MTREX: variants seen among roughly 807,000 people sequenced by gnomAD.
The protein encoded by MTREX is exosome RNA helicase MTR4.
A neutral mutation model predicts 135.4 loss-of-function variants in MTREX; 76 were observed. The ratio of observed to expected loss-of-function variants is 0.56; its 90% CI spans 0.47 to 0.68. The LOEUF (loss-of-function observed/expected upper bound fraction) is 0.68, where lower values mean the gene tolerates loss of function less well. Ranked by LOEUF, MTREX falls within the 30% of genes least tolerant of loss-of-function variation. MTREX has a pLI of 0.00. For synonymous variants in MTREX, 404 were observed against 401.6 expected (o/e 1.01, Z -0.07); for missense variants, 920 against 1,262.1 (o/e 0.73, Z 4.11).
At chr5:55,396,114 G>T (rs1019475866) in intron 19 of MTREX, among the ~76,000 whole-genome samples, 1 of 151,782 alleles carries the variant, frequency 6.6e-6, no homozygotes, top group Non-Finnish European at 1.5e-5. Context: ...ATAAGGGTAT[G>T]TGGGATTTAT....
chr5:55,323,767 C>G (rs1269999311), intron 2 of MTREX, among the ~76,000 whole-genome samples: 1 of 152,118 alleles, frequency 6.6e-6, no homozygotes, highest in African/African-American at 2.4e-5. Context: ...GGCTAGTTTA[C>G]TTTATACTTT....
rs534648893 is a variant in MTREX at position 55,375,235 on chromosome 5, C to T, written c.1811-3079C>T. Among the ~76,000 whole-genome samples the T allele has an allele frequency of 1.9e-4, 29 of 152,214 alleles. No homozygotes were observed. In the East Asian group the frequency reaches 1.9e-3, roughly 10 times the overall value. Reference sequence around the variant, plus strand: ...CAGGAGACAGGGTTTTGAGATCAACCGGTCTGACCAAAATTTATTAGGCAG... The same window carrying T: ...CAGGAGACAGGGTTTTGAGATCAACTGGTCTGACCAAAATTTATTAGGCAG... On this transcript the variant is annotated intron_variant, in intron 16 of 26. Transcript: ENST00000230640.
chr5:55,383,477 TTGAA>T (rs1339078017), intron 18 of MTREX, among the ~76,000 whole-genome samples: 1 of 152,198 alleles, frequency 6.6e-6, no homozygotes, highest in African/African-American at 2.4e-5. Context: ...GTTTTTTTCT[TTGAA>T]TATGTCAACT....
chr5:55,353,240 C>T lies in MTREX; in HGVS notation c.1504C>T (p.Arg502Cys), dbSNP rs934878407. Reference protein sequence around the residue: ...PARTVLFTNARKFDGKDFRWI... With the variant: ...PARTVLFTNACKFDGKDFRWI... ...TAGAACTGTTTTATTTACAAATGCC[C>T]GCAAATTTGATGGGAAGGATTTCCG... The change falls in exon 14 of 27, where the codon CGC (arginine) becomes TGC (cysteine). Residue 502 changes from arginine (R) to cysteine (C), a missense_variant. This residue lies in a region of MTREX where 46 missense variants were observed against 116.8 expected (regional missense o/e 0.39). Transcript: ENST00000230640. 6.2e-7 allele frequency: 1 copy of T among 1,607,774 alleles called. No individual in the cohort carries two copies. Among genetic ancestry groups the T allele is most frequent in the Non-Finnish European group, 8.5e-7 (1 of 1,177,136 alleles).
intron 25 of MTREX, among the ~76,000 whole-genome samples, chr5:55,416,346 T>C (rs1750965584): frequency 6.6e-6 from 1 of 152,078 alleles, no homozygotes; most frequent in South Asian, 2.1e-4. Flanking sequence ...AGAAACTATT[T>C]TAAACTGTAT....
At chr5:55,378,213 A>C (rs1750337405) in intron 16 of MTREX, 101 bp from the exon 17 acceptor site, 3 of 1,349,296 alleles carry the variant, frequency 2.2e-6, no homozygotes, top group Non-Finnish European at 2.9e-6. Context: ...CAAAAACCGC[A>C]ACTACACTTG....
intron 1 of MTREX, among the ~76,000 whole-genome samples, chr5:55,318,989 T>C (rs2112027159): frequency 6.7e-6 from 1 of 148,192 alleles, no homozygotes; most frequent in East Asian, 2.0e-4. Flanking sequence ...CACTCAAATA[T>C]TCTAAATTTT....
At chr5:55,330,225 G>C (rs1262938458) in intron 5 of MTREX, among the ~76,000 whole-genome samples, 1 of 151,852 alleles carries the variant, frequency 6.6e-6, no homozygotes, top group African/African-American at 2.4e-5. Flanking sequence ...ACAGGCATGT[G>C]CCACCATGAC....
At chr5:55,393,707 C>A (rs899091566) in intron 19 of MTREX, among the ~76,000 whole-genome samples, 1 of 152,156 alleles carries the variant, frequency 6.6e-6, no homozygotes, top group Non-Finnish European at 1.5e-5. Context: ...TTTGGACTTA[C>A]AAAGACCAGT....
chr5:55,406,433 CTTA>C (rs892453310), intron 22 of MTREX, among the ~76,000 whole-genome samples: 5 of 152,206 alleles, frequency 3.3e-5, no homozygotes. Context: ...CCTCAGGATG[CTTA>C]CATGGTAGCT....
At chr5:55,404,784 T>C (rs1315990537) in intron 21 of MTREX, among the ~76,000 whole-genome samples, 1 of 150,136 alleles carries the variant, frequency 6.7e-6, no homozygotes, top group Non-Finnish European at 1.5e-5. Context: ...AAGCAAGAGC[T>C]GTGCTCTGTT....
intron 19 of MTREX, among the ~76,000 whole-genome samples, chr5:55,397,023 C>A (rs1750657166): frequency 6.6e-6 from 1 of 152,192 alleles, no homozygotes; most frequent in Non-Finnish European, 1.5e-5. Context: ...CCAGAACTTA[C>A]ATGAATCTTT....
At chr5:55,350,359 TGTA>T (rs1749806894) in intron 12 of MTREX, among the ~76,000 whole-genome samples, 1 of 152,376 alleles carries the variant, frequency 6.6e-6, no homozygotes, top group South Asian at 2.1e-4. Flanking sequence ...GGGTATTTAA[TGTA>T]TAAACTTTTT....
chr5:55,308,061 C>T lies in MTREX; in HGVS notation c.48C>T (p.Asp16=), dbSNP rs1427098634. ...AGCTGTTCAGCGTGTTCGAGGGCGACTCGACCACTGCGGCGGGAACCAAAA... is the reference window on the plus strand; with the variant it reads ...AGCTGTTCAGCGTGTTCGAGGGCGATTCGACCACTGCGGCGGGAACCAAAA... ...GDELFSVFEG[D]STTAAGTKKD... The change falls in exon 1 of 27, where the codon GAC becomes GAT. Residue 16 remains aspartate, a synonymous_variant. Transcript: ENST00000230640. 6.2e-7 allele frequency: 1 copy of T among 1,614,014 alleles called. No homozygotes were observed. Among genetic ancestry groups the T allele is most frequent in the Admixed American group, 1.7e-5 (1 of 60,002 alleles).
chr5:55,363,056 GTTCTT>G (rs1270763614), intron 15 of MTREX, among the ~76,000 whole-genome samples: 2 of 151,562 alleles, frequency 1.3e-5, no homozygotes, highest in African/African-American at 2.4e-5. Context: ...TCAGTGGTGT[GTTCTT>G]TTCAACAATG....
chr5:55,317,602 T>G (rs1749220003), intron 1 of MTREX, among the ~76,000 whole-genome samples: 1 of 152,204 alleles, frequency 6.6e-6, no homozygotes, highest in Non-Finnish European at 1.5e-5. Context: ...GGTGGACCCC[T>G]TCTTTACACC....
At chr5:55,329,961 AT>A (rs1036121156) in intron 5 of MTREX, among the ~76,000 whole-genome samples, 4 of 150,780 alleles carry the variant, frequency 2.7e-5, no homozygotes, top group South Asian at 2.1e-4. Flanking sequence ...TACTATATTC[AT>A]TTTTTTTCTT....
At chr5:55,418,240 A>AG (rs1561214215) in intron 25 of MTREX, among the ~76,000 whole-genome samples, 2 of 150,700 alleles carry the variant, frequency 1.3e-5, no homozygotes, top group African/African-American at 4.9e-5. Context: ...TCTCAAAAAA[A>AG]AAAAAAGAAA....
At chr5:55,410,676 T>C (rs1372410088) in intron 23 of MTREX, 47 bp downstream of exon 23, 2 of 1,149,418 alleles carry the variant, frequency 1.7e-6, no homozygotes, top group East Asian at 2.4e-5. Context: ...TCACACATCA[T>C]GTAGTTAATA....
Sources: allele counts gnomAD v4.1 joint callset (sites outside exome capture counted in the v4.1 genomes callset), GRCh38; gene constraint gnomAD v4.1.1; regional missense constraint gnomAD v4.1.1; transcripts MANE v1.5; gene names NCBI Gene and HGNC (gene_info 2026-07-23, HGNC 2026-07-21).